Variants in CLSTN2 observed in about 807,000 individuals in gnomAD.
The protein encoded by CLSTN2 is calsyntenin-2.
CLSTN2 carries 48 observed loss-of-function variants against 101.2 expected under a neutral mutation model. The observed-to-expected ratio is 0.47, with a 90% confidence interval of 0.38 to 0.60. CLSTN2 has a LOEUF of 0.60. Ranked by LOEUF, CLSTN2 falls within the 20% of genes least tolerant of loss-of-function variation. CLSTN2 has a pLI of 0.00. For missense variants in CLSTN2, 1,160 were observed against 1,238.2 expected, an observed-to-expected ratio of 0.94 and a Z score of 0.95; for synonymous variants, 481 against 463.6, an observed-to-expected ratio of 1.04 and a Z score of -0.48.
chr3:140,062,636 G>A lies in CLSTN2; in HGVS notation c.110-113315G>A, dbSNP rs541962870. ...CTTTTCCTTGCCCTGCCCTGGCTGAGCCAAAGTCCCTCTCCCAGAGCTGCC... is the reference window on the plus strand; with the variant it reads ...CTTTTCCTTGCCCTGCCCTGGCTGAACCAAAGTCCCTCTCCCAGAGCTGCC... On this transcript the variant is annotated intron_variant, in intron 1 of 16. Coordinates refer to ENST00000458420, the MANE Select transcript of CLSTN2 (RefSeq NM_022131.3). Among the ~76,000 whole-genome samples the A allele has an allele frequency of 9.8e-5, 15 of 152,316 alleles. No individual in the cohort carries two copies. In the East Asian group the frequency reaches 2.1e-3, roughly 22 times the overall value.
chr3:139,940,009 C>T (rs1381516155), intron 1 of CLSTN2, among the ~76,000 whole-genome samples: 1 of 152,178 alleles, frequency 6.6e-6, no homozygotes, highest in Non-Finnish European at 1.5e-5. Context: ...TTTGGCCTTC[C>T]ATAAGGAACC....
intron 1 of CLSTN2, among the ~76,000 whole-genome samples, chr3:139,986,339 T>C (rs1270715090): frequency 6.6e-6 from 1 of 152,186 alleles, no homozygotes; most frequent in African/African-American, 2.4e-5. Context: ...GCACTAGATA[T>C]TAGGCTTTGT....
intron 2 of CLSTN2, among the ~76,000 whole-genome samples, chr3:140,316,510 C>T (rs2087233051): frequency 6.6e-6 from 1 of 152,044 alleles, no homozygotes; most frequent in African/African-American, 2.4e-5. Context: ...CTTCTGCTAC[C>T]CTGTCTTCTT....
At chr3:140,532,509 T>C in intron 9 of CLSTN2, 23 bp downstream of exon 9, 2 of 1,597,388 alleles carry the variant, frequency 1.3e-6, no homozygotes, top group Non-Finnish European at 1.7e-6. Context: ...GAAACCCTTT[T>C]CTCTGACCTG....
intron 2 of CLSTN2, among the ~76,000 whole-genome samples, chr3:140,364,025 G>A (rs571742685): frequency 1.1e-4 from 16 of 152,334 alleles, no homozygotes; most frequent in African/African-American, 3.8e-4. Flanking sequence ...CTCCCTGTGC[G>A]TTTAATCATC....
At chr3:140,250,573 C>T (rs1312520344) in intron 2 of CLSTN2, among the ~76,000 whole-genome samples, 2 of 152,200 alleles carry the variant, frequency 1.3e-5, no homozygotes, top group African/African-American at 4.8e-5. Flanking sequence ...TCCTTTGGGG[C>T]TTCCCTGGAG....
At chr3:139,942,301 A>G (rs1935144645) in intron 1 of CLSTN2, among the ~76,000 whole-genome samples, 1 of 151,930 alleles carries the variant, frequency 6.6e-6, no homozygotes, top group African/African-American at 2.4e-5. Flanking sequence ...AGCCCTCCTC[A>G]CCTCCTGTCA....
intron 1 of CLSTN2, among the ~76,000 whole-genome samples, chr3:140,105,204 CT>C (rs1297076321): frequency 6.6e-6 from 1 of 152,168 alleles, no homozygotes; most frequent in Non-Finnish European, 1.5e-5. Flanking sequence ...GTAATCTAGT[CT>C]GACTTTAGCT....
At chr3:140,409,002 C>A (rs531412401) in intron 4 of CLSTN2, among the ~76,000 whole-genome samples, 98 of 152,358 alleles carry the variant, frequency 6.4e-4, no homozygotes, top group Admixed American at 9.1e-4. Flanking sequence ...CTTGTACCTG[C>A]AGCTCGCCCC....
chr3:140,329,265 T>C (rs1369458133), intron 2 of CLSTN2, among the ~76,000 whole-genome samples: 1 of 152,360 alleles, frequency 6.6e-6, no homozygotes, highest in African/African-American at 2.4e-5. Flanking sequence ...GGCACATGCC[T>C]GTAATCCCAC....
intron 16 of CLSTN2, among the ~76,000 whole-genome samples, 197 bp downstream of exon 16, chr3:140,564,342 C>A (rs1309106556): frequency 6.6e-6 from 1 of 152,218 alleles, no homozygotes; most frequent in Non-Finnish European, 1.5e-5. Context: ...TTCCCACCAA[C>A]TACATTCTCT....
chr3:140,483,415 T>A (rs1015072452), intron 8 of CLSTN2, among the ~76,000 whole-genome samples: 2 of 152,206 alleles, frequency 1.3e-5, no homozygotes, highest in South Asian at 4.1e-4. Flanking sequence ...AAAATGTATA[T>A]TCTGTTGATT....
intron 1 of CLSTN2, among the ~76,000 whole-genome samples, chr3:140,146,111 G>A (rs1431247430): frequency 6.6e-6 from 1 of 152,172 alleles, no homozygotes; most frequent in Non-Finnish European, 1.5e-5. Context: ...ATTTCCTATG[G>A]CCCTGCTCGT....
At chr3:140,034,975 T>C (rs751708333) in intron 1 of CLSTN2, among the ~76,000 whole-genome samples, 4 of 152,208 alleles carry the variant, frequency 2.6e-5, no homozygotes, top group Non-Finnish European at 5.9e-5. Flanking sequence ...ACAAATCTTT[T>C]CTTGGGCTTT....
chr3:140,175,875 C>G, intron 1 of CLSTN2, 76 bp from the exon 2 acceptor site: 2 of 1,390,644 alleles, frequency 1.4e-6, no homozygotes. Flanking sequence ...GGCAAATATA[C>G]AATCTTAATA....
At chr3:140,377,191 A>G (rs548460772) in intron 2 of CLSTN2, among the ~76,000 whole-genome samples, 1 of 152,256 alleles carries the variant, frequency 6.6e-6, no homozygotes, top group East Asian at 1.9e-4. Context: ...ATTGCACATT[A>G]CTCATGTGTT....
At chr3:140,099,275 G>A (rs1282518210) in intron 1 of CLSTN2, among the ~76,000 whole-genome samples, 2 of 152,196 alleles carry the variant, frequency 1.3e-5, no homozygotes, top group Admixed American at 6.5e-5. Context: ...ACTCTGGGGA[G>A]CAGGACTGGG....
At chr3:140,148,717 G>A (rs907132145) in intron 1 of CLSTN2, among the ~76,000 whole-genome samples, 1 of 152,218 alleles carries the variant, frequency 6.6e-6, no homozygotes, top group Non-Finnish European at 1.5e-5. Flanking sequence ...AGAAAAGGAA[G>A]AAGTGCAGGT....
At chr3:139,977,563 G>C (rs908239841) in intron 1 of CLSTN2, among the ~76,000 whole-genome samples, 1 of 152,182 alleles carries the variant, frequency 6.6e-6, no homozygotes, top group South Asian at 2.1e-4. Flanking sequence ...GCTAGATTAA[G>C]TATTTTGGCA....
Sources: gnomAD v4.1 joint callset for allele counts (sites outside exome capture counted in the v4.1 genomes callset) on GRCh38, gnomAD v4.1.1 for gene constraint, MANE v1.5 for transcripts, NCBI Gene and HGNC (gene_info 2026-07-23, HGNC 2026-07-21) for gene names.